The following MUC5B variants were observed in gnomAD, a reference collection of about 807,000 sequenced individuals.
MUC5B encodes the protein mucin 5B, oligomeric mucus/gel-forming.
Under a neutral mutation model 376.9 loss-of-function variants are expected in MUC5B, and 116 were observed. The ratio of observed to expected loss-of-function variants is 0.31; its 90% CI spans 0.26 to 0.36. The LOEUF is 0.36. Ranked by LOEUF, MUC5B falls within the 10% of genes least tolerant of loss-of-function variation. MUC5B has a pLI of 1.00. For missense variants in MUC5B, 7,165 were observed against 7,769.9 expected (o/e 0.92, Z 2.93); for synonymous variants, 3,517 against 3,390.9 (o/e 1.04, Z -1.29).
At position 1,250,130 on chromosome 11, in the gene MUC5B, C is replaced by T; in HGVS notation, c.13250C>T (p.Thr4417Ile). Residue 4417 changes from threonine to isoleucine, a missense_variant, in exon 31 of 49, where the codon ACC becomes ATC. Around this residue, in one of 31 missense-constraint regions of MUC5B, gnomAD observed 431 missense variants for 390.4 expected, o/e 1.10. Transcript: ENST00000529681. ...PTATPSSTPG[T>I]TWILTELTTT... ...GCCACCCCGTCCTCCACCCCAGGGA[C>T]CACCTGGATCCTCACAGAGCTGACC... 2 of 1,609,858 alleles carry T rather than the reference C, an allele frequency of 1.2e-6. No individual in the cohort carries two copies. The highest frequency in any genetic ancestry group is 1.1e-5 in the South Asian group (1 of 90,658).
At position 1,250,617 on chromosome 11, in the gene MUC5B, C is replaced by G. The variant is rs76174982; in HGVS notation, c.13737C>G (p.Ala4579=). ...CAACCGGGGCCACCGGCTCTGTGGC[C>G]ACCCCCTCCTCCACCCCAGGAACAG... The part of the protein sequence containing the change: ...ATTTGATGSV[A]TPSSTPGTAH... The change falls in exon 31 of 49, where the codon GCC becomes GCG. Residue 4579 remains alanine, a synonymous_variant. Coordinates refer to ENST00000529681, the MANE Select transcript of MUC5B (RefSeq NM_002458.3). 3.9e-3 allele frequency: 6,242 copies of G among 1,612,966 alleles called. 19 individuals are homozygous for G. The highest frequency in any genetic ancestry group is 4.9e-3 in the Non-Finnish European group (5,740 of 1,179,184).
rs748172935 is a variant in MUC5B, at chr11:1,229,248, C to G, written c.1055C>G (p.Ala352Gly). 1 of 1,592,564 alleles carries G rather than the reference C, an allele frequency of 6.3e-7. No individual in the cohort carries two copies. The highest frequency in any genetic ancestry group is 8.5e-7 in the Non-Finnish European group (1 of 1,172,778). Residue 352 changes from alanine (A) to glycine (G), a missense_variant, in exon 9 of 49, where the codon GCG (alanine) becomes GGG (glycine). Ala to Gly is a moderately conservative substitution (Grantham distance 60). Coordinates refer to ENST00000529681, the MANE Select transcript of MUC5B (RefSeq NM_002458.3). Reference protein sequence around the residue: ...CTDTCSNPQRAQLCEDHCVDG... With the variant: ...CTDTCSNPQRGQLCEDHCVDG... ...GACACCTGCTCCAACCCCCAGCGCGCGCAGCTCTGCGAGGACCACTGTGTG... is the reference window on the plus strand; with the variant it reads ...GACACCTGCTCCAACCCCCAGCGCGGGCAGCTCTGCGAGGACCACTGTGTG...
intron 26 of MUC5B, 166 bp from the exon 27 acceptor site, chr11:1,239,272 G>A: frequency 1.0e-6 from 1 of 969,370 alleles, no homozygotes; most frequent in Non-Finnish European, 1.5e-6. Context: ...GGGCTGGGGA[G>A]TGGAGGGGAA....
In MUC5B at chr11:1,253,091, A is replaced by AATGGTGGGGC. The variant is rs199758798; in HGVS notation, c.15217+131_15217+140dup. 1 of 1,113,840 alleles carries AATGGTGGGGC rather than the reference A, an allele frequency of 9.0e-7. No homozygotes were observed. Among genetic ancestry groups the AATGGTGGGGC allele is most frequent in the South Asian group, 1.4e-5 (1 of 72,542 alleles). The allele number at this position is 1,113,840 out of a possible 1,614,324, so 69.0% of individuals were successfully genotyped here. ...TGGGGCACAGTGGGGTGCAGTGGGG[A>AATGGTGGGGC]ATGGTGGGGCATGGTGGGGCATGGT... On this transcript the variant is annotated intron_variant, in intron 33 of 48. Transcript: ENST00000529681. This position sits in a 1 kb window ranked among gnomAD's most constrained non-coding sequence, Gnocchi z 4.3.
intron 25 of MUC5B, among the ~76,000 whole-genome samples, chr11:1,237,680 G>T (rs1383008373): frequency 1.3e-5 from 2 of 152,148 alleles, no homozygotes; most frequent in Non-Finnish European, 2.9e-5. Context: ...GACCAGCCTG[G>T]TCAACATGGC....
At position 1,247,646 on chromosome 11, in the gene MUC5B, G is replaced by T. The variant is rs1184394397; in HGVS notation, c.10766G>T (p.Gly3589Val). The change falls in exon 31 of 49, where the codon GGG becomes GTG. Residue 3589 changes from glycine to valine, a missense_variant. Gly to Val is a moderately radical substitution (Grantham distance 109, BLOSUM62 -3). Around this residue, in one of 31 missense-constraint regions of MUC5B, gnomAD observed 81 missense variants for 154.5 expected, o/e 0.52. Transcript: ENST00000529681. Reference sequence around the variant, plus strand: ...CTGGACTACAGCTACCCCATGCCGGGGCCCTCTGGCGGGGACTTTGACACC... The same window carrying T: ...CTGGACTACAGCTACCCCATGCCGGTGCCCTCTGGCGGGGACTTTGACACC... ...EWLDYSYPMP[G>V]PSGGDFDTYS... The T allele has an allele frequency of 3.7e-6, 6 of 1,606,454 alleles. 1 individual carries two copies. In the Admixed American group the frequency reaches 8.4e-5, roughly 22 times the overall value.
At chr11:1,252,140 GCCACACTCGGT>G (rs1438260957) in intron 31 of MUC5B, among the ~76,000 whole-genome samples, 192 bp from the exon 32 acceptor site, 1 of 151,878 alleles carries the variant, frequency 6.6e-6, no homozygotes, top group Non-Finnish European at 1.5e-5. Flanking sequence ...ATCCCCACTG[GCCACACTCGGT>G]CCCCACTGGT....
rs548727542 is a variant in MUC5B at position 1,228,891 on chromosome 11, G to C, written c.976+126G>C. The C allele has an allele frequency of 1.8e-5, 12 of 675,248 alleles. No homozygotes were observed. In the South Asian group the frequency reaches 2.1e-4, roughly 12 times the overall value. The allele number at this position is 675,248 out of a possible 1,614,324, so 41.8% of individuals were successfully genotyped here. ...GTGGAGGGCAGAGGACCCACCCCAG[G>C]CATAGTGGGCAGAGGCCACCCCAGG... On this transcript the variant is annotated intron_variant, in intron 8 of 48. Coordinates refer to ENST00000529681, the MANE Select transcript of MUC5B (RefSeq NM_002458.3).
At chr11:1,261,348 G>A in intron 48 of MUC5B, 41 bp from the exon 49 acceptor site, 2 of 1,514,346 alleles carry the variant, frequency 1.3e-6, no homozygotes, top group Non-Finnish European at 1.8e-6. Context: ...AGAAACGGCG[G>A]GGCCAAGGTG....
rs781729906 is a variant in MUC5B, at chr11:1,244,505, C to G, written c.7625C>G (p.Ser2542Cys). Reference sequence around the variant, plus strand: ...GCTACCAGCTTTACAGCCATCCCCTCCTCCTCCCTGGGCACCACCTGGACC... The same window carrying G: ...GCTACCAGCTTTACAGCCATCCCCTGCTCCTCCCTGGGCACCACCTGGACC... The part of the protein sequence containing the change: ...PTATSFTAIP[S>C]SSLGTTWTRL... The change falls in exon 31 of 49, where the codon TCC becomes TGC. Residue 2542 changes from serine (S) to cysteine (C), a missense_variant. By Grantham distance (112) the Ser-to-Cys change is moderately radical. Around this residue, in one of 31 missense-constraint regions of MUC5B, gnomAD observed 194 missense variants for 268.5 expected, o/e 0.72. Transcript: ENST00000529681. 3.2e-6 allele frequency: 5 copies of G among 1,540,054 alleles called. No homozygotes were observed. The African/African-American group carries it at 6.8e-5, about 21-fold the overall frequency.
rs1862890944 is a variant in MUC5B, at chr11:1,258,039, A to G, written c.16451-60A>G. On this transcript the variant is annotated intron_variant, in intron 41 of 48. Transcript: ENST00000529681. The surrounding 1 kb of genome is among the most constrained non-coding windows in gnomAD (Gnocchi z 5.5). The stretch of plus-strand genomic sequence containing the variant: ...AAGCACGCCTGCGACTTACTCTGGG[A>G]ACAAGTGGTCGGGAGGAGGAGTGAG... 4 of 1,471,492 alleles carry G rather than the reference A, an allele frequency of 2.7e-6. No homozygotes were observed. The highest frequency in any genetic ancestry group is 3.7e-6 in the Non-Finnish European group (4 of 1,079,358). 91.2% of individuals were successfully genotyped at this position (1,471,492 alleles called of 1,614,324 possible). A position where few individuals can be genotyped will look rare whatever the true frequency, so the allele number is the denominator to read the frequency against.
At chr11:1,233,947 C>A in intron 19 of MUC5B, 99 bp downstream of exon 19, 1 of 1,271,646 alleles carries the variant, frequency 7.9e-7, no homozygotes, top group Non-Finnish European at 1.1e-6. Flanking sequence ...CCACCTGAAC[C>A]CTGCCGGGCC....
In MUC5B at chr11:1,247,398, T is replaced by C. The variant is rs372935832; in HGVS notation, c.10518T>C (p.Thr3506=). Residue 3506 remains threonine, a synonymous_variant, in exon 31 of 49, where the codon ACT becomes ACC. Coordinates refer to ENST00000529681, the MANE Select transcript of MUC5B (RefSeq NM_002458.3). ...AATTSTTQHS[T]PALSSPHPSS... ...CCACCAGTACCACCCAGCACTCGAC[T>C]CCAGCCCTGTCCAGCCCTCACCCTA... is the stretch of plus-strand genomic sequence containing the variant. The C allele has an allele frequency of 1.5e-3, 2,482 of 1,606,766 alleles. 18 individuals are homozygous for C. The African/African-American group carries it at 0.029, about 19-fold the overall frequency.
chr11:1,239,334 T>C, intron 26 of MUC5B, 104 bp from the exon 27 acceptor site: 1 of 1,444,236 alleles, frequency 6.9e-7, no homozygotes, highest in South Asian at 1.4e-5. Flanking sequence ...AGCCCGGGTC[T>C]GGCTCTGGGG....
At position 1,261,962 on chromosome 11, in the gene MUC5B, C is replaced by A; in HGVS notation, c.*354C>A. On this transcript the variant is annotated 3_prime_UTR_variant, in exon 49 of 49. Coordinates refer to ENST00000529681, the MANE Select transcript of MUC5B (RefSeq NM_002458.3). Reference sequence around the variant, plus strand: ...CCCGCGCAGCACGGATTCCAGCTGGCCACGTCCGGCCGCTGGGGCAGACAG... The same window carrying A: ...CCCGCGCAGCACGGATTCCAGCTGGACACGTCCGGCCGCTGGGGCAGACAG... The A allele has an allele frequency of 2.0e-6, 1 of 501,580 alleles. No individual in the cohort carries two copies. The highest frequency in any genetic ancestry group is 3.9e-6 in the Non-Finnish European group (1 of 255,674). The allele number at this position is 501,580 out of a possible 1,614,324, so 31.1% of individuals were successfully genotyped here.
In MUC5B at chr11:1,247,073, C is replaced by T. The variant is rs755185997; in HGVS notation, c.10193C>T (p.Thr3398Ile). The T allele has an allele frequency of 4.5e-6, 7 of 1,561,872 alleles. No homozygotes were observed. In the South Asian group the frequency reaches 7.0e-5, roughly 16 times the overall value. ...PSLTTTATTI[T>I]ATGSTTNPSS... ...CTGACCACCACGGCCACTACGATCA[C>T]AGCCACCGGCTCCACCACCAACCCC... is the stretch of plus-strand genomic sequence containing the variant. Residue 3398 changes from threonine (T) to isoleucine (I), a missense_variant, in exon 31 of 49, where the codon ACA becomes ATA. By Grantham distance (89) the Thr-to-Ile change is moderately conservative (BLOSUM62 -1). This residue lies in a region of MUC5B where 939 missense variants were observed against 770.6 expected (regional missense o/e 1.22). Transcript: ENST00000529681.
Position 1,248,783 on chromosome 11 carries a change from G to A in MUC5B, c.11903G>A (p.Gly3968Glu). 1 of 1,547,982 alleles carries A rather than the reference G, an allele frequency of 6.5e-7. No homozygotes were observed. Among genetic ancestry groups the A allele is most frequent in the Non-Finnish European group, 8.7e-7 (1 of 1,145,734 alleles). Residue 3968 changes from glycine to glutamate, a missense_variant, in exon 31 of 49, where the codon GGG becomes GAG. Transcript: ENST00000529681. ...ACCACCAACCCCTCCTCAACTCCAG[G>A]GACAACACCTATCCCCCCAGTGCTG... is the stretch of plus-strand genomic sequence containing the variant. ...GSTTNPSSTP[G>E]TTPIPPVLTT...
At position 1,245,849 on chromosome 11, in the gene MUC5B, C is replaced by T. The variant is rs1862441920; in HGVS notation, c.8969C>T (p.Thr2990Ile). ...TATPSSTPGT[T>I]WILTEQTTAA... ...ACGCCCTCCTCCACTCCAGGGACGA[C>T]CTGGATCCTCACAGAGCAGACCACA... Residue 2990 changes from threonine to isoleucine, a missense_variant, in exon 31 of 49, where the codon ACC becomes ATC. Physicochemically the swap from Thr to Ile is moderately conservative, Grantham distance 89. Coordinates refer to ENST00000529681, the MANE Select transcript of MUC5B (RefSeq NM_002458.3). 1.9e-6 allele frequency: 3 copies of T among 1,613,538 alleles called. No homozygotes were observed. The highest frequency in any genetic ancestry group is 2.5e-6 in the Non-Finnish European group (3 of 1,179,834).
In MUC5B at chr11:1,241,516, G is replaced by C. The variant is rs971202455; in HGVS notation, c.4636G>C (p.Asp1546His). 3.1e-6 allele frequency: 5 copies of C among 1,613,226 alleles called. No homozygotes were observed. In the African/African-American group the frequency reaches 6.7e-5, roughly 22 times the overall value. The change falls in exon 31 of 49, where the codon GAC (aspartate) becomes CAC (histidine). Residue 1546 changes from aspartate (D) to histidine (H), a missense_variant. Physicochemically the swap from Asp to His is moderately conservative, Grantham distance 81 (BLOSUM62 -1). Coordinates refer to ENST00000529681, the MANE Select transcript of MUC5B (RefSeq NM_002458.3). ...AGGHLCQQPKDIECQAESFPN... is the reference protein window; with the variant it reads ...AGGHLCQQPKHIECQAESFPN... The stretch of plus-strand genomic sequence containing the variant: ...AGGGCACTTATGCCAGCAGCCTAAG[G>C]ACATAGAGTGCCAGGCCGAGAGCTT...
Sources: gnomAD v4.1 joint callset for allele counts (sites outside exome capture counted in the v4.1 genomes callset) on GRCh38, gnomAD v4.1.1 for gene constraint, gnomAD v4.1.1 regional missense constraint, Gnocchi (gnomAD v3.1) non-coding constraint, MANE v1.5 for transcripts, NCBI Gene and HGNC (gene_info 2026-07-23, HGNC 2026-07-21) for gene names.